The following WDR76 variants were observed in gnomAD, a reference collection of about 807,000 sequenced individuals.
WDR76 encodes WD repeat-containing protein 76.
Under a neutral mutation model 70.2 loss-of-function variants are expected in WDR76, and 52 were observed. The ratio of observed to expected loss-of-function variants is 0.74; its 90% CI spans 0.59 to 0.93. WDR76 has a LOEUF of 0.93. Among genes scored for constraint, WDR76 ranks in the 40% least tolerant of loss-of-function variants. The pLI, the probability that WDR76 is intolerant of heterozygous loss-of-function variation, is 0.00. For synonymous variants in WDR76, 292 were observed against 271.1 expected (o/e 1.08, Z -0.76); for missense variants, 756 against 760.2 (o/e 0.99, Z 0.07).
At position 43,866,501 on chromosome 15, in the gene WDR76, A is replaced by G; in HGVS notation, c.*109A>G. ...TGGTAATGTGTTACATTTAGCAATT[A>G]TAACATTGTTTTATTAATAAGACTA... is the stretch of plus-strand genomic sequence containing the variant. On this transcript the variant is annotated 3_prime_UTR_variant, in exon 13 of 13. Transcript: ENST00000263795. 7.9e-7 allele frequency: 1 copy of G among 1,269,624 alleles called. No individual in the cohort carries two copies. The highest frequency in any genetic ancestry group is 1.1e-6 in the Non-Finnish European group (1 of 908,452). The allele number at this position is 1,269,624 out of a possible 1,614,324, so 78.6% of individuals were successfully genotyped here.
intron 2 of WDR76, 146 bp from the exon 3 acceptor site, chr15:43,834,915 G>A: frequency 2.9e-6 from 2 of 691,778 alleles, no homozygotes; most frequent in Admixed American, 2.9e-5. Flanking sequence ...TTCAGCAAAC[G>A]TCTGTTTTGG....
rs1207158254 is a variant in WDR76 at position 43,867,259 on chromosome 15, T to C, written c.*867T>C. On this transcript the variant is annotated 3_prime_UTR_variant, in exon 13 of 13. Coordinates refer to ENST00000263795, the MANE Select transcript of WDR76 (RefSeq NM_024908.4). ...GGGCGGGGTCTGGGTCTGTCTGTAC[T>C]TTGCCTTTACTCTAGATGGCTCCTG... 6.6e-6 allele frequency: 1 copy of C among 152,102 alleles called. No individual in the cohort carries two copies. Among genetic ancestry groups the C allele is most frequent in the Non-Finnish European group, 1.5e-5 (1 of 68,022 alleles). The allele number at this position is 152,102 out of a possible 1,614,324, so 9.4% of individuals were successfully genotyped here. A position where few individuals can be genotyped will look rare whatever the true frequency, so the allele number is the denominator to read the frequency against.
chr15:43,829,650 G>T (rs1468632824), intron 2 of WDR76, among the ~76,000 whole-genome samples: 2 of 151,784 alleles, frequency 1.3e-5, no homozygotes, highest in East Asian at 3.9e-4. Context: ...GGGATTACAG[G>T]CGCCCGCCAC....
intron 8 of WDR76, among the ~76,000 whole-genome samples, chr15:43,845,048 G>A (rs534719841): frequency 7.7e-6 from 1 of 130,046 alleles, no homozygotes; most frequent in East Asian, 2.7e-4. Context: ...TGCAAGCTCC[G>A]CCTCTCAGGT....
chr15:43,830,040 G>T (rs2087567383), intron 2 of WDR76, among the ~76,000 whole-genome samples: 1 of 150,302 alleles, frequency 6.7e-6, no homozygotes, highest in Admixed American at 6.6e-5. Flanking sequence ...GGAGATGTTG[G>T]GATGTTTGTG....
intron 10 of WDR76, among the ~76,000 whole-genome samples, chr15:43,858,188 C>G (rs1199751598): frequency 6.6e-6 from 1 of 151,856 alleles, no homozygotes; most frequent in Non-Finnish European, 1.5e-5. Context: ...GCCTTGGCCT[C>G]CCAAAGTGCT....
rs372374487 is a variant in WDR76 at position 43,851,244 on chromosome 15, A to G, written c.1190A>G (p.Glu397Gly). ...CGDFSRAIFE[E>G]VYRNERSSFS... ...GATTTTTCCAGGGCTATTTTTGAAG[A>G]GGTAAATGTTAATGTGTTTACATGC... is the stretch of plus-strand genomic sequence containing the variant. Residue 397 changes from glutamate (E) to glycine (G), a missense_variant and splice_region_variant, in exon 9 of 13, where the codon GAG becomes GGG. By Grantham distance (98) the Glu-to-Gly change is moderately conservative (BLOSUM62 -2). Coordinates refer to ENST00000263795, the MANE Select transcript of WDR76 (RefSeq NM_024908.4). 8 of 1,613,832 alleles carry G rather than the reference A, an allele frequency of 5.0e-6. No individual in the cohort carries two copies. The highest frequency in any genetic ancestry group is 6.8e-6 in the Non-Finnish European group (8 of 1,179,950).
chr15:43,839,628 G>T lies in WDR76; in HGVS notation c.632G>T (p.Gly211Val). The T allele has an allele frequency of 6.2e-7, 1 of 1,611,654 alleles. No homozygotes were observed. Among genetic ancestry groups the T allele is most frequent in the Non-Finnish European group, 8.5e-7 (1 of 1,178,756 alleles). Residue 211 changes from glycine to valine, a missense_variant, in exon 5 of 13, where the codon GGG (glycine) becomes GTG (valine). By Grantham distance (109) the Gly-to-Val change is moderately radical (BLOSUM62 -3). Transcript: ENST00000263795. The stretch of plus-strand genomic sequence containing the variant: ...AGAAAGAAGCCTAAGAGAGAAAATG[G>T]GATTGGATGTAGAAGGTCAATGCGA... ...SKRKKPKREN[G>V]IGCRRSMRLL...
At chr15:43,841,139 G>A (rs1326956225) in intron 5 of WDR76, among the ~76,000 whole-genome samples, 1 of 150,536 alleles carries the variant, frequency 6.6e-6, no homozygotes, top group Non-Finnish European at 1.5e-5. Flanking sequence ...TCATGCCTGA[G>A]CCTCCAGAGT....
At chr15:43,862,323 T>TA (rs1555463753) in intron 12 of WDR76, among the ~76,000 whole-genome samples, 7 of 135,080 alleles carry the variant, frequency 5.2e-5, no homozygotes, top group African/African-American at 1.1e-4. Context: ...TTTTTTTTTT[T>TA]AATTTTTTTT....
chr15:43,860,758 C>T (rs763526290), intron 11 of WDR76, among the ~76,000 whole-genome samples: 12 of 152,060 alleles, frequency 7.9e-5, no homozygotes, highest in Non-Finnish European at 1.2e-4. Flanking sequence ...ATCCTCCCAC[C>T]TTGGCCTCAA....
At chr15:43,831,828 G>T (rs1401232894) in intron 2 of WDR76, among the ~76,000 whole-genome samples, 5 of 151,960 alleles carry the variant, frequency 3.3e-5, no homozygotes, top group Non-Finnish European at 5.9e-5. Flanking sequence ...TTGCATATCA[G>T]AGAAATTTTT....
intron 2 of WDR76, among the ~76,000 whole-genome samples, chr15:43,832,511 T>C (rs1311190212): frequency 1.3e-5 from 2 of 151,934 alleles, no homozygotes; most frequent in South Asian, 2.1e-4. Context: ...AGTGGCACAG[T>C]CTTGCCTCAC....
chr15:43,828,440 C>A, intron 2 of WDR76, 74 bp downstream of exon 2: 1 of 1,396,942 alleles, frequency 7.2e-7, no homozygotes, highest in South Asian at 1.4e-5. Flanking sequence ...CGAAGTTTTT[C>A]GAGGATCTCT....
intron 12 of WDR76, 62 bp downstream of exon 12, chr15:43,861,448 A>G: frequency 7.1e-7 from 1 of 1,405,288 alleles, no homozygotes; most frequent in Admixed American, 1.7e-5. Flanking sequence ...GTTGCAGTGC[A>G]TACATTAGAC....
rs1248833041 is a variant in WDR76 at position 43,856,975 on chromosome 15, C to T, written c.1221C>T (p.Ser407=). Residue 407 remains serine (S), a synonymous_variant, in exon 10 of 13, where the codon TCC becomes TCT. Transcript: ENST00000263795. The part of the protein sequence containing the change: ...EVYRNERSSF[S]SFDFLAEDAS... ...ATAGAAATGAAAGAAGTAGCTTTTC[C>T]TCCTTCGACTTCTTGGCAGAAGATG... The T allele has an allele frequency of 2.5e-6, 4 of 1,613,900 alleles. No homozygotes were observed. The Admixed American group carries it at 5.0e-5, about 20-fold the overall frequency.
Position 43,839,725 on chromosome 15 carries a change from A to C in WDR76, c.729A>C (p.Glu243Asp). The C allele has an allele frequency of 6.2e-7, 1 of 1,603,090 alleles. No homozygotes were observed. The highest frequency in any genetic ancestry group is 8.5e-7 in the Non-Finnish European group (1 of 1,175,146). ...CACCGCCGACATTAGTAGCAGATGA[A>C]ACTGTAAGGAAATGTGCAAATATAA... ...APTPPTLVAD[E>D]TPLLPPGPLE... Residue 243 changes from glutamate (E) to aspartate (D), a missense_variant, in exon 5 of 13, where the codon GAA becomes GAC. Transcript: ENST00000263795.
intron 12 of WDR76, 22 bp from the exon 13 acceptor site, chr15:43,866,106 A>C: frequency 1.2e-6 from 2 of 1,610,150 alleles, no homozygotes; most frequent in Non-Finnish European, 1.7e-6. Context: ...TCATTTAAAA[A>C]ATATATTGTT....
chr15:43,837,894 G>A (rs1267392748), intron 4 of WDR76, among the ~76,000 whole-genome samples: 1 of 85,516 alleles, frequency 1.2e-5, no homozygotes, highest in Non-Finnish European at 2.4e-5. Context: ...TTTTTTTTTT[G>A]AGATGGAGTC....
Sources: allele counts gnomAD v4.1 joint callset (sites outside exome capture counted in the v4.1 genomes callset), GRCh38; gene constraint gnomAD v4.1.1; transcripts MANE v1.5; gene names NCBI Gene and HGNC (gene_info 2026-07-23, HGNC 2026-07-21).